CERS6: variants seen among roughly 807,000 people sequenced by gnomAD.
CERS6 encodes LAG1 homolog, ceramide synthase 6.
CERS6 carries 26 observed loss-of-function variants against 56.8 expected under a neutral mutation model. The ratio of observed to expected loss-of-function variants is 0.46; its 90% CI spans 0.34 to 0.63. The LOEUF is 0.63. Ranked by LOEUF, CERS6 falls within the 30% of genes least tolerant of loss-of-function variation. The pLI is 0.01. For missense variants in CERS6, 415 were observed against 467.5 expected, an observed-to-expected ratio of 0.89 and a Z score of 1.04; for synonymous variants, 164 against 173.3, an observed-to-expected ratio of 0.95 and a Z score of 0.42.
intron 4 of CERS6, among the ~76,000 whole-genome samples, chr2:168,651,862 A>G (rs780468676): frequency 1.3e-5 from 2 of 152,144 alleles, no homozygotes; most frequent in East Asian, 1.9e-4. Context: ...TTTTCCAACT[A>G]TGTATCTTTT....
At chr2:168,489,539 G>GT (rs1391728293) in intron 1 of CERS6, among the ~76,000 whole-genome samples, 2 of 150,312 alleles carry the variant, frequency 1.3e-5, no homozygotes, top group Non-Finnish European at 3.0e-5. Context: ...TTTCCTGCAG[G>GT]TCTTTGAGGC....
chr2:168,614,682 A>T (rs1684272859), intron 3 of CERS6, among the ~76,000 whole-genome samples: 1 of 152,056 alleles, frequency 6.6e-6, no homozygotes, highest in Non-Finnish European at 1.5e-5. Flanking sequence ...TGGCCTGGGA[A>T]CCACACCCCC....
intron 8 of CERS6, among the ~76,000 whole-genome samples, chr2:168,751,463 C>G (rs983143217): frequency 6.6e-6 from 1 of 152,202 alleles, no homozygotes; most frequent in African/African-American, 2.4e-5. Flanking sequence ...ATCCTTCTCT[C>G]TCACTGCTCC....
At position 168,769,524 on chromosome 2, in the gene CERS6, T is replaced by C. The variant is rs1376788504; in HGVS notation, c.1017T>C (p.Asp339=). ...CTACTCCACAGGTGTCCAAGGATGA[T>C]CGAAGTGATATTGAGTCTAGCTCAG... ...AVSRGKVSKD[D]RSDIESSSDE... The change falls in exon 10 of 10, where the codon GAT becomes GAC. Residue 339 remains aspartate (D), a synonymous_variant. Coordinates refer to ENST00000305747, the MANE Select transcript of CERS6 (RefSeq NM_203463.3). 21 of 1,600,536 alleles carry C rather than the reference T, an allele frequency of 1.3e-5. No individual in the cohort carries two copies. The highest frequency in any genetic ancestry group is 1.8e-5 in the Non-Finnish European group (21 of 1,176,016).
At chr2:168,628,296 G>T (rs1684636456) in intron 3 of CERS6, among the ~76,000 whole-genome samples, 1 of 152,098 alleles carries the variant, frequency 6.6e-6, no homozygotes, top group South Asian at 2.1e-4. Context: ...GGGATGTGTG[G>T]ATTGCCCTCA....
chr2:168,694,858 C>T (rs1170645617), intron 5 of CERS6, 101 bp from the exon 6 acceptor site: 2 of 871,838 alleles, frequency 2.3e-6, no homozygotes, highest in Non-Finnish European at 3.8e-6. Context: ...TGTGCAGGTG[C>T]AAGACCATGT....
At chr2:168,710,393 T>C (rs1687060839) in intron 6 of CERS6, among the ~76,000 whole-genome samples, 3 of 152,252 alleles carry the variant, frequency 2.0e-5, no homozygotes, top group Non-Finnish European at 1.5e-5. Context: ...AAAATATTGT[T>C]CTTTTTAGGT....
chr2:168,456,737 C>A lies in CERS6; in HGVS notation c.170+119C>A. On this transcript the variant is annotated intron_variant, in intron 1 of 9. Transcript: ENST00000305747. The surrounding 1 kb of genome is among the most constrained non-coding windows in gnomAD (Gnocchi z 4.1). ...AACGCTCGCGTTCACGCCTCCCAAC[C>A]TTTGTGTTCGGGGAGGGGTTGCTGA... 1.0e-6 allele frequency: 1 copy of A among 954,020 alleles called. No individual in the cohort carries two copies. The highest frequency in any genetic ancestry group is 1.6e-5 in the South Asian group (1 of 63,092). The allele number at this position is 954,020 out of a possible 1,614,324, so 59.1% of individuals were successfully genotyped here. A position where few individuals can be genotyped will look rare whatever the true frequency, so the allele number is the denominator to read the frequency against.
rs1447197530 is a variant in CERS6, at chr2:168,774,353, TAG to T, written c.*4692_*4693del. ...CATTTTTTAGCTATTGATTTCCCAATAGCTTGTGGATCAGTTGTACACCCACA... is the reference window on the plus strand; with the variant it reads ...CATTTTTTAGCTATTGATTTCCCAATCTTGTGGATCAGTTGTACACCCACA... On this transcript the variant is annotated 3_prime_UTR_variant, in exon 10 of 10. Transcript: ENST00000305747. 2 of 152,186 alleles carry T rather than the reference TAG, an allele frequency of 1.3e-5. No homozygotes were observed. The highest frequency in any genetic ancestry group is 4.8e-5 in the African/African-American group (2 of 41,450). 9.4% of individuals were successfully genotyped at this position (152,186 alleles called of 1,614,324 possible). A position where few individuals can be genotyped will look rare whatever the true frequency, so the allele number is the denominator to read the frequency against.
chr2:168,739,481 G>A (rs2105426389), intron 8 of CERS6, among the ~76,000 whole-genome samples: 1 of 152,228 alleles, frequency 6.6e-6, no homozygotes, highest in South Asian at 2.1e-4. Flanking sequence ...TACCATGTGT[G>A]CAACAAGATG....
intron 8 of CERS6, among the ~76,000 whole-genome samples, chr2:168,734,556 A>G (rs1683655862): frequency 6.6e-6 from 1 of 152,222 alleles, no homozygotes; most frequent in Non-Finnish European, 1.5e-5. Flanking sequence ...AGACACGCAC[A>G]CACACACATG....
chr2:168,550,401 C>T (rs991627825), intron 2 of CERS6, among the ~76,000 whole-genome samples: 1 of 152,174 alleles, frequency 6.6e-6, no homozygotes, highest in Non-Finnish European at 1.5e-5. Context: ...TGGTCTTGAA[C>T]TCCGGGCTTC....
At chr2:168,663,977 G>A (rs1470289564) in intron 4 of CERS6, among the ~76,000 whole-genome samples, 1 of 152,156 alleles carries the variant, frequency 6.6e-6, no homozygotes, top group African/African-American at 2.4e-5. Context: ...ATATAAAAAT[G>A]TTGCAAACAG....
Position 168,746,695 on chromosome 2 carries a change from C to T in CERS6, c.846-18897C>T, listed in dbSNP as rs143438826. On this transcript the variant is annotated intron_variant, in intron 8 of 9. Transcript: ENST00000305747. Reference sequence around the variant, plus strand: ...CAATCCTAAAGATGTTCAGCCCTGGCACTGAAGCAGCTTCCCCTCTTCTGC... The same window carrying T: ...CAATCCTAAAGATGTTCAGCCCTGGTACTGAAGCAGCTTCCCCTCTTCTGC... 7.0e-3 allele frequency among the ~76,000 whole-genome samples: 1,049 copies of T among 149,320 alleles called. 15 individuals are homozygous for T. Among genetic ancestry groups the T allele is most frequent in the African/African-American group, 0.024 (990 of 40,538 alleles).
intron 3 of CERS6, among the ~76,000 whole-genome samples, chr2:168,600,718 A>G (rs188889906): frequency 8.0e-4 from 122 of 152,128 alleles, no homozygotes; most frequent in Non-Finnish European, 1.5e-3. Context: ...TCATTTCTTG[A>G]CTGGAGATTC....
At chr2:168,663,649 A>G (rs1685687230) in intron 4 of CERS6, among the ~76,000 whole-genome samples, 1 of 152,154 alleles carries the variant, frequency 6.6e-6, no homozygotes, top group African/African-American at 2.4e-5. Flanking sequence ...CGTTCACATT[A>G]TATTGTACTT....
At chr2:168,662,398 A>G (rs979159645) in intron 4 of CERS6, among the ~76,000 whole-genome samples, 1 of 152,078 alleles carries the variant, frequency 6.6e-6, no homozygotes, top group African/African-American at 2.4e-5. Context: ...AGGGCTGGAG[A>G]CAGGCAGTGT....
At chr2:168,633,833 A>T (rs1270579301) in intron 4 of CERS6, among the ~76,000 whole-genome samples, 1 of 152,184 alleles carries the variant, frequency 6.6e-6, no homozygotes, top group Non-Finnish European at 1.5e-5. Context: ...ATACAGCATA[A>T]ATTTGTCTTT....
At chr2:168,487,901 G>A (rs1694303109) in intron 1 of CERS6, among the ~76,000 whole-genome samples, 1 of 151,826 alleles carries the variant, frequency 6.6e-6, no homozygotes, top group Admixed American at 6.6e-5. Flanking sequence ...ATTTTTTTTT[G>A]TAGAGACAGG....
Sources: gnomAD v4.1 joint callset for allele counts (sites outside exome capture counted in the v4.1 genomes callset) on GRCh38, gnomAD v4.1.1 for gene constraint, Gnocchi (gnomAD v3.1) non-coding constraint, MANE v1.5 for transcripts, NCBI Gene and HGNC (gene_info 2026-07-23, HGNC 2026-07-21) for gene names.